The following TAMM41 variants were observed in gnomAD, a reference collection of about 807,000 sequenced individuals.
TAMM41 encodes the protein TAM41 mitochondrial translocator assembly and maintenance homolog, also known as phosphatidate cytidylyltransferase, mitochondrial.
In TAMM41, 36 loss-of-function variants were observed where a neutral mutation model predicts 44.1. The observed-to-expected ratio is 0.82, with a 90% confidence interval of 0.63 to 1.08. TAMM41 has a LOEUF of 1.08. Among genes scored for constraint, TAMM41 ranks in the 50% least tolerant of loss-of-function variants. TAMM41 has a pLI of 0.00. For synonymous variants in TAMM41, 164 were observed against 153.1 expected (o/e 1.07, Z -0.53); for missense variants, 417 against 404.3 (o/e 1.03, Z -0.27).
At chr3:11,824,915 T>G (rs1471582775) in intron 4 of TAMM41, among the ~76,000 whole-genome samples, 3 of 152,056 alleles carry the variant, frequency 2.0e-5, no homozygotes, top group Admixed American at 2.0e-4. Flanking sequence ...GGAGTTGCAG[T>G]AGCAGTCAGG....
chr3:11,820,371 T>C (rs555310556), intron 4 of TAMM41, among the ~76,000 whole-genome samples: 53 of 152,248 alleles, frequency 3.5e-4, no homozygotes, highest in South Asian at 8.3e-4. Context: ...GAGAGAAGGA[T>C]TTACCATTTT....
At chr3:11,751,326 A>G in the TAMM41 span, among the ~76,000 whole-genome samples, 1 of 152,054 alleles carries the variant, frequency 6.6e-6, no homozygotes, top group African/African-American at 2.4e-5. Context: ...TCCCGACCTC[A>G]AGTGATCTGC....
chr3:11,801,242 A>G (rs755060918), intron 7 of TAMM41, among the ~76,000 whole-genome samples: 1 of 152,222 alleles, frequency 6.6e-6, no homozygotes, highest in Non-Finnish European at 1.5e-5. Flanking sequence ...AGAAATCAAC[A>G]TAAGAGGAAC....
the TAMM41 span, among the ~76,000 whole-genome samples, chr3:11,781,790 T>TACA: frequency 1.4e-5 from 2 of 147,714 alleles, no homozygotes; most frequent in African/African-American, 5.0e-5. Context: ...ATCATACAAA[T>TACA]AAGAGACCCA....
chr3:11,770,003 A>G, the TAMM41 span, among the ~76,000 whole-genome samples: 2 of 152,244 alleles, frequency 1.3e-5, no homozygotes, highest in Non-Finnish European at 2.9e-5. Context: ...CCTAGAAAAC[A>G]AGGTAGAAAG....
chr3:11,818,938 C>T (rs1158898085), intron 4 of TAMM41, among the ~76,000 whole-genome samples: 1 of 151,868 alleles, frequency 6.6e-6, no homozygotes, highest in African/African-American at 2.4e-5. Flanking sequence ...CTCTGGAACC[C>T]GATCTTGGTG....
intron 7 of TAMM41, among the ~76,000 whole-genome samples, chr3:11,794,638 C>T (rs1483508123): frequency 6.6e-6 from 1 of 152,196 alleles, no homozygotes; most frequent in Admixed American, 6.5e-5. Context: ...AAAGCTATGT[C>T]ACTATATGGC....
At chr3:11,784,940 C>T in the TAMM41 span, among the ~76,000 whole-genome samples, 3 of 151,814 alleles carry the variant, frequency 2.0e-5, no homozygotes, top group Admixed American at 1.3e-4. Flanking sequence ...GTAGTTGGGA[C>T]TACAGGTGCC....
chr3:11,751,810 T>C, the TAMM41 span, among the ~76,000 whole-genome samples: 1 of 152,360 alleles, frequency 6.6e-6, no homozygotes, highest in East Asian at 1.9e-4. Flanking sequence ...GTCTTCTGAC[T>C]ACGTTAATGT....
chr3:11,802,051 T>C (rs773705919), intron 7 of TAMM41, among the ~76,000 whole-genome samples: 1 of 152,048 alleles, frequency 6.6e-6, no homozygotes, highest in Non-Finnish European at 1.5e-5. Context: ...AAATCTCACC[T>C]TGACAAAAAA....
the TAMM41 span, among the ~76,000 whole-genome samples, chr3:11,733,695 C>G: frequency 6.6e-6 from 1 of 151,954 alleles, no homozygotes; most frequent in East Asian, 1.9e-4. Flanking sequence ...CGGGGTTTCA[C>G]CATGTTAGCC....
the TAMM41 span, among the ~76,000 whole-genome samples, chr3:11,725,425 T>TCC: frequency 2.2e-3 from 148 of 68,102 alleles, 1 homozygote; most frequent in East Asian, 6.2e-3. Flanking sequence ...TTCTTCTTCT[T>TCC]TCCTCCTCCT....
the TAMM41 span, among the ~76,000 whole-genome samples, chr3:11,784,836 T>C: frequency 6.9e-6 from 1 of 144,924 alleles, no homozygotes; most frequent in African/African-American, 2.6e-5. Context: ...GGAGTCTCGC[T>C]CTGTCCCCCA....
At chr3:11,820,711 A>G (rs918396637) in intron 4 of TAMM41, among the ~76,000 whole-genome samples, 1 of 152,224 alleles carries the variant, frequency 6.6e-6, no homozygotes, top group African/African-American at 2.4e-5. Flanking sequence ...GATCATAACA[A>G]TCAATTTTTC....
chr3:11,779,834 C>A, the TAMM41 span, among the ~76,000 whole-genome samples: 1 of 152,210 alleles, frequency 6.6e-6, no homozygotes, highest in African/African-American at 2.4e-5. Flanking sequence ...TCATCACCAT[C>A]CTCCTGCTAT....
intron 7 of TAMM41, among the ~76,000 whole-genome samples, chr3:11,804,052 T>C (rs2077831225): frequency 6.6e-6 from 1 of 152,140 alleles, no homozygotes; most frequent in African/African-American, 2.4e-5. Context: ...TGCACTTGTA[T>C]TCCTTAAACG....
At chr3:11,825,574 T>C (rs918888061) in intron 4 of TAMM41, among the ~76,000 whole-genome samples, 1 of 152,178 alleles carries the variant, frequency 6.6e-6, no homozygotes, top group Admixed American at 6.5e-5. Flanking sequence ...CTAATTTTTT[T>C]CCCCAAGAAT....
chr3:11,755,817 A>G, the TAMM41 span, among the ~76,000 whole-genome samples: 3 of 152,084 alleles, frequency 2.0e-5, no homozygotes, highest in Admixed American at 2.0e-4. Flanking sequence ...GGGTCCACAC[A>G]TGCCATGCTG....
chr3:11,794,211 A>C (rs562096973), intron 7 of TAMM41, among the ~76,000 whole-genome samples: 1 of 150,648 alleles, frequency 6.6e-6, no homozygotes, highest in African/African-American at 2.5e-5. Context: ...ATCAAAGCTC[A>C]CTGGAGCCTC....
Sources: allele counts gnomAD v4.1 joint callset (sites outside exome capture counted in the v4.1 genomes callset), GRCh38; gene constraint gnomAD v4.1.1; transcripts MANE v1.5; gene names NCBI Gene and HGNC (gene_info 2026-07-23, HGNC 2026-07-21).